SETD1B: variants seen among roughly 807,000 people sequenced by gnomAD.
The protein encoded by SETD1B is histone-lysine N-methyltransferase SETD1B.
A neutral mutation model predicts 148.0 loss-of-function variants in SETD1B; 7 were observed. The observed-to-expected ratio is 0.05, with a 90% confidence interval of 0.03 to 0.09. The LOEUF (loss-of-function observed/expected upper bound fraction) is 0.09, where lower values mean the gene tolerates loss of function less well. Among genes scored for constraint, SETD1B ranks in the 10% least tolerant of loss-of-function variants. The probability of loss-of-function intolerance (pLI) is 1.00; values close to 1 mark genes in which losing one functional copy is unlikely to be tolerated. For synonymous variants in SETD1B, 1,361 were observed against 1,186.5 expected (o/e 1.15, Z -3.02); for missense variants, 2,155 against 2,729.9 (o/e 0.79, Z 4.69).
intron 16 of SETD1B, among the ~76,000 whole-genome samples, chr12:121,828,491 G>T (rs1646152209): frequency 6.6e-6 from 1 of 152,256 alleles, no homozygotes; most frequent in Admixed American, 6.5e-5. Context: ...CACATGTGTG[G>T]TGGTGAGCAC....
Position 121,819,385 on chromosome 12 carries a change from G to T in SETD1B, c.3419-19G>T. The T allele has an allele frequency of 2.6e-6, 4 of 1,551,274 alleles. No homozygotes were observed. Among genetic ancestry groups the T allele is most frequent in the Non-Finnish European group, 3.5e-6 (4 of 1,146,928 alleles). ...ACAGCGGGTCCTCAGGCAGCCCCTCGTCTGTGTCCCCCATCCAGAGGAGAC... is the reference window on the plus strand; with the variant it reads ...ACAGCGGGTCCTCAGGCAGCCCCTCTTCTGTGTCCCCCATCCAGAGGAGAC... On this transcript the variant is annotated intron_variant, in intron 10 of 16. Coordinates refer to ENST00000604567, the MANE Select transcript of SETD1B (RefSeq NM_001353345.2).
At chr12:121,797,013 G>A in the SETD1B span, among the ~76,000 whole-genome samples, 9 of 149,292 alleles carry the variant, frequency 6.0e-5, no homozygotes, top group East Asian at 1.8e-3. Flanking sequence ...TGGGCAACAA[G>A]AGCGAAACTC....
intron 13 of SETD1B, among the ~76,000 whole-genome samples, chr12:121,826,158 G>A (rs1156840299): frequency 3.3e-5 from 5 of 152,116 alleles, no homozygotes; most frequent in East Asian, 1.9e-4. Context: ...CGATCCTCCC[G>A]TCTCAGCCTC....
the SETD1B span, among the ~76,000 whole-genome samples, chr12:121,791,963 A>T: frequency 0.014 from 2,111 of 152,334 alleles, 14 homozygotes; most frequent in Admixed American, 0.024. Context: ...CGCCCCGGGA[A>T]TTCCTCTGAT....
chr12:121,803,875 C>G (rs1469184958), upstream of SETD1B: 1 of 153,004 alleles, frequency 6.5e-6, no homozygotes, highest in Non-Finnish European at 1.5e-5. This position sits in a 1 kb window ranked among gnomAD's most constrained non-coding sequence, Gnocchi z 4.7. Context: ...CGCTGGGGCC[C>G]GGGGCTTTGG....
Position 121,809,818 on chromosome 12 carries a change from C to A in SETD1B, c.873C>A (p.Ser291Arg). 1.9e-6 allele frequency: 3 copies of A among 1,551,566 alleles called. No individual in the cohort carries two copies. The highest frequency in any genetic ancestry group is 2.6e-6 in the Non-Finnish European group (3 of 1,146,986). Residue 291 changes from serine to arginine, a missense_variant, in exon 6 of 17, where the codon AGC (serine) becomes AGA (arginine). Transcript: ENST00000604567. ...TCTCACAGGACTCCAGCTACTCCAG[C>A]CGCCAGCCCACACCCTCATACCTCT... is the stretch of plus-strand genomic sequence containing the variant. ...TPFSQDSSYS[S>R]RQPTPSYLFS... is the part of the protein sequence containing the mutation.
chr12:121,819,607 G>A lies in SETD1B; in HGVS notation c.3622G>A (p.Asp1208Asn). The change falls in exon 11 of 17, where the codon GAC (aspartate) becomes AAC (asparagine). Residue 1208 changes from aspartate to asparagine, a missense_variant. Asp to Asn is a conservative substitution (Grantham distance 23, BLOSUM62 1). Coordinates refer to ENST00000604567, the MANE Select transcript of SETD1B (RefSeq NM_001353345.2). ...EESMASAGPE[D>N]FEQDGEEAAL... ...AAGCATGGCTTCTGCAGGCCCTGAG[G>A]ACTTTGAGCAGGACGGGGAGGAAGC... is the stretch of plus-strand genomic sequence containing the variant. The A allele has an allele frequency of 7.7e-6, 12 of 1,552,122 alleles. No homozygotes were observed. The highest frequency in any genetic ancestry group is 1.0e-5 in the Non-Finnish European group (12 of 1,147,132).
intron 4 of SETD1B, among the ~76,000 whole-genome samples, chr12:121,806,664 A>AGCAGAGC (rs1386957329): frequency 5.3e-5 from 8 of 152,138 alleles, no homozygotes; most frequent in Admixed American, 3.3e-4. Context: ...GCCGGGGAAG[A>AGCAGAGC]GCAGAGCCGG....
At chr12:121,829,959 G>A (rs1327965152) in intron 16 of SETD1B, 107 bp from the exon 17 acceptor site, 14 of 1,034,856 alleles carry the variant, frequency 1.4e-5, no homozygotes, top group Middle Eastern at 6.2e-4. Flanking sequence ...TGGGGGTCAC[G>A]TGGCATGTCA....
chr12:121,799,717 T>TGGGGGGGGGGGGGGGGGGGG (rs1456064145), upstream of SETD1B: 12 of 19,136 alleles, frequency 6.3e-4, 3 homozygotes, highest in Admixed American at 2.4e-3. Flanking sequence ...CGCTCGCAGC[T>TGGGGGGGGGGGGGGGGGGGG]GGGGGGGGGG....
chr12:121,793,597 G>A, the SETD1B span: 1 of 1,551,902 alleles, frequency 6.4e-7, no homozygotes, highest in East Asian at 2.4e-5. Context: ...CCCGGACCGG[G>A]GGCGGCGGTC....
rs989148557 is a variant in SETD1B, at chr12:121,825,378, G to A, written c.5337+12G>A. ...CCGCAGACACCCAGGTACTGCCAGG[G>A]CTCCTGGACACATCAGAGCCTGCTG... On this transcript the variant is annotated intron_variant, in intron 13 of 16. Transcript: ENST00000604567. The A allele has an allele frequency of 2.6e-6, 4 of 1,546,378 alleles. No homozygotes were observed. The highest frequency in any genetic ancestry group is 3.5e-6 in the Non-Finnish European group (4 of 1,146,336).
At position 121,831,906 on chromosome 12, in the gene SETD1B, T is replaced by TA. The variant is rs397951155; in HGVS notation, c.*1668dup. 2.6e-4 allele frequency: 40 copies of TA among 151,936 alleles called. No individual in the cohort carries two copies. Among genetic ancestry groups the TA allele is most frequent in the African/African-American group, 9.6e-4 (40 of 41,478 alleles). 9.4% of individuals were successfully genotyped at this position (151,936 alleles called of 1,614,324 possible). On this transcript the variant is annotated 3_prime_UTR_variant, in exon 17 of 17. Coordinates refer to ENST00000604567, the MANE Select transcript of SETD1B (RefSeq NM_001353345.2). ...TGTGTGTTTTTTGTTGTTTTTTTTT[T>TA]ATTCCTTTCCCCCAGGCCCTCTCTA... is the stretch of plus-strand genomic sequence containing the variant.
chr12:121,823,807 C>G (rs543848974), intron 12 of SETD1B, 58 bp downstream of exon 12: 11 of 1,483,396 alleles, frequency 7.4e-6, no homozygotes, highest in Non-Finnish European at 9.0e-6. Flanking sequence ...TCCCTGCTCA[C>G]CTCTCTGGGC....
Position 121,804,709 on chromosome 12 carries a change from C to CT in SETD1B, c.-14-13dup. ...GCCGCCGCGGCGGAGACGACAACAACTTGCTGGTTTTCAGGTTGGGTTAAC... is the reference window on the plus strand; with the variant it reads ...GCCGCCGCGGCGGAGACGACAACAACTTTGCTGGTTTTCAGGTTGGGTTAAC... On this transcript the variant is annotated splice_polypyrimidine_tract_variant and intron_variant, in intron 1 of 16. Coordinates refer to ENST00000604567, the MANE Select transcript of SETD1B (RefSeq NM_001353345.2). The surrounding 1 kb of genome is among the most constrained non-coding windows in gnomAD (Gnocchi z 4.6). The CT allele has an allele frequency of 3.2e-6, 5 of 1,546,160 alleles. No individual in the cohort carries two copies. The highest frequency in any genetic ancestry group is 3.5e-6 in the Non-Finnish European group (4 of 1,145,714).
the SETD1B span, among the ~76,000 whole-genome samples, chr12:121,792,094 G>A: frequency 4.9e-5 from 7 of 144,228 alleles, no homozygotes; most frequent in South Asian, 2.3e-4. Context: ...TGCTGAAGTC[G>A]GAATGGAGGG....
In SETD1B at chr12:121,830,923, TGACCCGGTG is replaced by T. The variant is rs1184404461; in HGVS notation, c.*690_*698del. On this transcript the variant is annotated 3_prime_UTR_variant, in exon 17 of 17. Coordinates refer to ENST00000604567, the MANE Select transcript of SETD1B (RefSeq NM_001353345.2). This position sits in a 1 kb window ranked among gnomAD's most constrained non-coding sequence, Gnocchi z 5.7. ...CTTCCCCAGAGGCCTGGGGCACCACTGACCCGGTGGACCCTGATGGAGCTAAGCTGTCCC... is the reference window on the plus strand; with the variant it reads ...CTTCCCCAGAGGCCTGGGGCACCACTGACCCTGATGGAGCTAAGCTGTCCC... 1 of 152,466 alleles carries T rather than the reference TGACCCGGTG, an allele frequency of 6.6e-6. No homozygotes were observed. The highest frequency in any genetic ancestry group is 1.5e-5 in the Non-Finnish European group (1 of 68,210). The allele number at this position is 152,466 out of a possible 1,614,324, so 9.4% of individuals were successfully genotyped here. A position where few individuals can be genotyped will look rare whatever the true frequency, so the allele number is the denominator to read the frequency against.
rs1353244404 is a variant in SETD1B at position 121,814,281 on chromosome 12, C to A, written c.2066C>A (p.Pro689Gln). ...LPLPPPPGFP[P>Q]LPPPPPPPPP... ...CTGCCCCCGCCACCTGGCTTCCCCC[C>A]GCTGCCCCCCCCACCACCACCACCC... Residue 689 changes from proline (P) to glutamine (Q), a missense_variant, in exon 7 of 17, where the codon CCG (proline) becomes CAG (glutamine). This residue lies in a region of SETD1B where 295 missense variants were observed against 303.8 expected (regional missense o/e 0.97). Transcript: ENST00000604567. 7.3e-7 allele frequency: 1 copy of A among 1,372,988 alleles called. No individual in the cohort carries two copies. The highest frequency in any genetic ancestry group is 1.3e-5 in the South Asian group (1 of 74,644). 85.1% of individuals were successfully genotyped at this position (1,372,988 alleles called of 1,614,324 possible). A position where few individuals can be genotyped will look rare whatever the true frequency, so the allele number is the denominator to read the frequency against.
chr12:121,824,892 G>A (rs912847232), intron 12 of SETD1B, among the ~76,000 whole-genome samples: 1 of 150,394 alleles, frequency 6.6e-6, no homozygotes. Context: ...GCGCACGCCT[G>A]TAGCCCCAGC....
Sources: allele counts gnomAD v4.1 joint callset (sites outside exome capture counted in the v4.1 genomes callset), GRCh38; gene constraint gnomAD v4.1.1; regional missense constraint gnomAD v4.1.1; non-coding constraint Gnocchi (gnomAD v3.1); transcripts MANE v1.5; gene names NCBI Gene and HGNC (gene_info 2026-07-23, HGNC 2026-07-21).